Variants in NUMA1 observed in about 807,000 individuals in gnomAD.
NUMA1 encodes the protein nuclear mitotic apparatus protein 1.
In NUMA1, 62 loss-of-function variants were observed where a neutral mutation model predicts 237.1. The observed-to-expected ratio is 0.26, with a 90% CI of 0.21 to 0.32. The LOEUF (loss-of-function observed/expected upper bound fraction) is 0.32. NUMA1 is among the 10% of genes least tolerant of loss of function. The pLI is 1.00. For missense variants in NUMA1, 2,533 were observed against 2,666.5 expected (o/e 0.95, Z 1.10); for synonymous variants, 1,028 against 1,066.1 (o/e 0.96, Z 0.70).
chr11:72,043,320 C>G (rs899457014), intron 2 of NUMA1, among the ~76,000 whole-genome samples: 5 of 145,172 alleles, frequency 3.4e-5, no homozygotes, highest in African/African-American at 5.1e-5. Flanking sequence ...AAAAACCACA[C>G]AAAAAAACAA....
intron 2 of NUMA1, among the ~76,000 whole-genome samples, chr11:72,061,044 G>A (rs1942910852): frequency 6.6e-6 from 1 of 152,172 alleles, no homozygotes; most frequent in Non-Finnish European, 1.5e-5. Flanking sequence ...ACTCCAGCCT[G>A]GCGACAGAGC....
chr11:72,020,368 G>A (rs965179740), intron 8 of NUMA1: 1 of 152,174 alleles, frequency 6.6e-6, no homozygotes, highest in Non-Finnish European at 1.5e-5. Context: ...AAACTCAACG[G>A]CTAGAACTCG....
chr11:72,034,630 C>A (rs1003316064), intron 3 of NUMA1, among the ~76,000 whole-genome samples: 2 of 151,954 alleles, frequency 1.3e-5, no homozygotes, highest in Non-Finnish European at 2.9e-5. Flanking sequence ...ATTGCTTGAA[C>A]CCAGGAGGCA....
intron 21 of NUMA1, among the ~76,000 whole-genome samples, chr11:72,006,532 G>A (rs116173587): frequency 0.01 from 1,588 of 152,150 alleles, 22 homozygotes; most frequent in African/African-American, 0.036. Context: ...AGTGTTTATC[G>A]GCCCATTTTG....
chr11:72,050,717 T>C (rs889580026), intron 2 of NUMA1: 3 of 152,200 alleles, frequency 2.0e-5, no homozygotes, highest in Admixed American at 6.5e-5. Flanking sequence ...AGATGTCTTC[T>C]AAATCCAGTG....
Position 72,014,116 on chromosome 11 carries a change from C to G in NUMA1, c.3387G>C (p.Val1129=). 1 of 1,611,950 alleles carries G rather than the reference C, an allele frequency of 6.2e-7. No individual in the cohort carries two copies. Among genetic ancestry groups the G allele is most frequent in the African/African-American group, 1.3e-5 (1 of 75,054 alleles). ...TCTGGCATTGCTGTTCCAGCTTGCTCACCTCTGCCCGCAGTGCCTCCAGCT... is the reference window on the plus strand; with the variant it reads ...TCTGGCATTGCTGTTCCAGCTTGCTGACCTCTGCCCGCAGTGCCTCCAGCT... The part of the protein sequence containing the change: ...GPKLEALRAE[V]SKLEQQCQKQ... The change falls in exon 15 of 27, where the codon GTG becomes GTC. Residue 1129 remains valine (V), a synonymous_variant. Transcript: ENST00000393695. The surrounding 1 kb of genome is among the most constrained non-coding windows in gnomAD (Gnocchi z 4.6).
Position 72,013,057 on chromosome 11 carries a change from G to T in NUMA1, c.4446C>A (p.Ala1482=). 3 of 1,614,172 alleles carry T rather than the reference G, an allele frequency of 1.9e-6. No individual in the cohort carries two copies. The highest frequency in any genetic ancestry group is 2.5e-6 in the Non-Finnish European group (3 of 1,180,030). ...GACGGGTCTCAGCATCAGCACGTACGGCTGCCAACTCTTGGACATACTTCT... is the reference window on the plus strand; with the variant it reads ...GACGGGTCTCAGCATCAGCACGTACTGCTGCCAACTCTTGGACATACTTCT... The part of the protein sequence containing the change: ...AREKYVQELA[A]VRADAETRLA... Residue 1482 remains alanine (A), a synonymous_variant, in exon 15 of 27, where the codon GCC becomes GCA. Transcript: ENST00000393695. This position sits in a 1 kb window ranked among gnomAD's most constrained non-coding sequence, Gnocchi z 6.8.
chr11:72,069,225 T>C (rs1943338363), intron 2 of NUMA1, among the ~76,000 whole-genome samples: 1 of 152,234 alleles, frequency 6.6e-6, no homozygotes, highest in Admixed American at 6.5e-5. Context: ...ATGATAAATT[T>C]TGGCCCTGGA....
At chr11:72,063,520 C>T (rs769065952) in intron 2 of NUMA1, among the ~76,000 whole-genome samples, 1 of 151,222 alleles carries the variant, frequency 6.6e-6, no homozygotes, top group Non-Finnish European at 1.5e-5. Flanking sequence ...GCCTCAGCCT[C>T]CCAAAGTGCT....
rs1590905789 is a variant in NUMA1, at chr11:72,014,687, T to C, written c.2816A>G (p.Lys939Arg). The change falls in exon 15 of 27, where the codon AAG becomes AGG. Residue 939 changes from lysine (K) to arginine (R), a missense_variant. Coordinates refer to ENST00000393695, the MANE Select transcript of NUMA1 (RefSeq NM_006185.4). The surrounding 1 kb of genome is among the most constrained non-coding windows in gnomAD (Gnocchi z 4.6). The part of the protein sequence containing the change: ...QQETASRELV[K>R]EPARAGDRQP... ...TCTGTCTCCTGCCCTCGCAGGCTCCTTGACTAACTCCCGGGAGGCTGTTTC... is the reference window on the plus strand; with the variant it reads ...TCTGTCTCCTGCCCTCGCAGGCTCCCTGACTAACTCCCGGGAGGCTGTTTC... 6 of 1,613,710 alleles carry C rather than the reference T, an allele frequency of 3.7e-6. No homozygotes were observed. In the East Asian group the frequency reaches 1.1e-4, roughly 30 times the overall value.
chr11:72,019,353 G>T (rs939269803), intron 9 of NUMA1, 141 bp downstream of exon 9: 2 of 1,124,584 alleles, frequency 1.8e-6, no homozygotes, highest in Non-Finnish European at 2.5e-6. Flanking sequence ...GTTAATACTG[G>T]GTGAGGTGAG....
At position 72,015,205 on chromosome 11, in the gene NUMA1, C is replaced by T. The variant is rs762822135; in HGVS notation, c.2298G>A (p.Gly766=). 6.2e-7 allele frequency: 1 copy of T among 1,613,490 alleles called. No individual in the cohort carries two copies. Among genetic ancestry groups the T allele is most frequent in the Non-Finnish European group, 8.5e-7 (1 of 1,180,036 alleles). The change falls in exon 15 of 27, where the codon GGG becomes GGA. Residue 766 remains glycine (G), a synonymous_variant. Coordinates refer to ENST00000393695, the MANE Select transcript of NUMA1 (RefSeq NM_006185.4). This position sits in a 1 kb window ranked among gnomAD's most constrained non-coding sequence, Gnocchi z 4.0. ...ELEEERAGRK[G]LEARLQQLGE... ...CAAGCTGCTGTAATCGAGCCTCCAG[C>T]CCCTTGCGCCCAGCCCTCTCTTCTT... is the stretch of plus-strand genomic sequence containing the variant.
chr11:72,058,080 A>C (rs1221868166), intron 2 of NUMA1, among the ~76,000 whole-genome samples: 3 of 152,168 alleles, frequency 2.0e-5, no homozygotes, highest in African/African-American at 7.2e-5. Flanking sequence ...TCAAAAAAAA[A>C]CATAATAATA....
chr11:72,011,718 C>T (rs1956174671), intron 16 of NUMA1, among the ~76,000 whole-genome samples: 1 of 152,126 alleles, frequency 6.6e-6, no homozygotes, highest in African/African-American at 2.4e-5. Flanking sequence ...GAAACACCAG[C>T]TCTATAGCCT....
intron 2 of NUMA1, chr11:72,068,172 C>A (rs1456683670): frequency 6.6e-6 from 1 of 152,266 alleles, no homozygotes; most frequent in Non-Finnish European, 1.5e-5. Context: ...AAGAACTCTT[C>A]CAACTCTTTC....
intron 1 of NUMA1, among the ~76,000 whole-genome samples, chr11:72,070,924 C>A (rs2136277277): frequency 6.6e-6 from 1 of 152,324 alleles, no homozygotes; most frequent in Middle Eastern, 3.4e-3. Context: ...AATACTCTAT[C>A]TTGCAAATGA....
intron 16 of NUMA1, 61 bp from the exon 17 acceptor site, chr11:72,010,915 A>G: frequency 7.0e-7 from 1 of 1,422,354 alleles, no homozygotes; most frequent in Non-Finnish European, 9.9e-7. Flanking sequence ...TTCATCCTGG[A>G]TGTCCACCCA....
chr11:72,005,977 C>A (rs1955658536), intron 22 of NUMA1, 58 bp downstream of exon 22: 1 of 1,382,166 alleles, frequency 7.2e-7, no homozygotes, highest in Non-Finnish European at 1.0e-6. Flanking sequence ...TTTCCCTGTG[C>A]CACGATCCAC....
At chr11:72,066,528 C>T (rs1020186451) in intron 2 of NUMA1, 1 of 152,208 alleles carries the variant, frequency 6.6e-6, no homozygotes, top group Non-Finnish European at 1.5e-5. Flanking sequence ...CCCATACATG[C>T]CAGGCATTTT....
Sources: gnomAD v4.1 joint callset for allele counts (sites outside exome capture counted in the v4.1 genomes callset) on GRCh38, gnomAD v4.1.1 for gene constraint, Gnocchi (gnomAD v3.1) non-coding constraint, MANE v1.5 for transcripts, NCBI Gene and HGNC (gene_info 2026-07-23, HGNC 2026-07-21) for gene names.